The following RP2 variants were observed in gnomAD, a reference collection of about 807,000 sequenced individuals.
RP2 encodes the protein RP2 activator of ARL3 GTPase, also known as protein XRP2.
A neutral mutation model predicts 20.3 loss-of-function variants in RP2; 3 were observed. That is an observed-to-expected ratio of 0.15 (90% CI 0.07 to 0.38). The LOEUF is 0.38. Ranked by LOEUF, RP2 falls within the 10% of genes least tolerant of loss-of-function variation. The probability of loss-of-function intolerance (pLI) is 1.00; values close to 1 mark genes in which losing one functional copy is unlikely to be tolerated. For synonymous variants in RP2, 75 were observed against 94.8 expected (o/e 0.79, Z 1.22); for missense variants, 233 against 268.5 (o/e 0.87, Z 0.92).
In RP2 at chrX:46,879,753, T is replaced by C. The variant is rs781932515; in HGVS notation, c.1037T>C (p.Ile346Thr). ...DVDSFYNFAD[I>T]QMGI Reference sequence around the variant, plus strand: ...GACAGCTTCTACAACTTTGCTGATATACAGATGGGAATATGAAGTGCAATG... The same window carrying C: ...GACAGCTTCTACAACTTTGCTGATACACAGATGGGAATATGAAGTGCAATG... The change falls in exon 5 of 5, where the codon ATA becomes ACA. Residue 346 changes from isoleucine (I) to threonine (T), a missense_variant. Transcript: ENST00000218340. 1.0e-5 allele frequency: 12 copies of C among 1,186,029 alleles called. No homozygotes were observed. In the South Asian group the frequency reaches 2.2e-4, roughly 21 times the overall value.
At chrX:46,852,268 G>GAGGA (rs1336044410) in intron 1 of RP2, among the ~76,000 whole-genome samples, 41 of 110,955 alleles carry the variant, frequency 3.7e-4, no homozygotes, top group South Asian at 1.5e-3. Flanking sequence ...GGGAGGGAGG[G>GAGGA]AGGAAGGAAG....
intron 1 of RP2, among the ~76,000 whole-genome samples, chrX:46,838,947 T>C (rs1465309336): frequency 8.9e-6 from 1 of 111,923 alleles, no homozygotes; most frequent in Non-Finnish European, 1.9e-5. Flanking sequence ...TGTAGAGTTG[T>C]AAGAGATGTT....
At chrX:46,873,890 C>T (rs782181047) in intron 3 of RP2, among the ~76,000 whole-genome samples, 1 of 109,159 alleles carries the variant, frequency 9.2e-6, no homozygotes, top group African/African-American at 3.3e-5. Flanking sequence ...GTGTTTTCCC[C>T]ACCCCCACCT....
At chrX:46,856,684 A>C (rs922119029) in intron 2 of RP2, among the ~76,000 whole-genome samples, 1 of 111,749 alleles carries the variant, frequency 8.9e-6, no homozygotes, top group African/African-American at 3.3e-5. Flanking sequence ...ATGCTCCCTC[A>C]GTGGTAAAGG....
Position 46,853,782 on chromosome X carries a change from A to C in RP2, c.409A>C (p.Ile137Leu). ...VFLCCATQPI[I>L]ESSSNIKFGC... ...TTTGTGTTGTGCCACTCAACCCATC[A>C]TTGAGTCTTCCTCAAATATCAAATT... Residue 137 changes from isoleucine to leucine, a missense_variant, in exon 2 of 5, where the codon ATT (isoleucine) becomes CTT (leucine). Transcript: ENST00000218340. 1.7e-6 allele frequency: 2 copies of C among 1,211,535 alleles called. No homozygotes were observed. Among genetic ancestry groups the C allele is most frequent in the Non-Finnish European group, 2.2e-6 (2 of 895,144 alleles).
At position 46,881,028 on chromosome X, in the gene RP2, A is replaced by C. The variant is rs1030285079; in HGVS notation, c.*1259A>C. ...GGCCTATTTTTAAAAGGAATCTGAA[A>C]TTTAATTCTATTTTGATAAAACTAA... On this transcript the variant is annotated 3_prime_UTR_variant, in exon 5 of 5. Coordinates refer to ENST00000218340, the MANE Select transcript of RP2 (RefSeq NM_006915.3). 2 of 112,033 alleles carry C rather than the reference A, an allele frequency of 1.8e-5. No homozygotes were observed. The highest frequency in any genetic ancestry group is 6.5e-5 in the African/African-American group (2 of 30,866). The allele number at this position is 112,033 out of a possible 1,213,427, so 9.2% of individuals were successfully genotyped here.
At position 46,847,709 on chromosome X, in the gene RP2, T is replaced by TACACACATATATGTGTGTGTGTATATAC. The variant is rs1924744813; in HGVS notation, c.103-5761_103-5734dup. Reference sequence around the variant, plus strand: ...CTATATATATGTGTGTGTGTATATATACACACATATATGTGTGTGTGTATA... The same window carrying TACACACATATATGTGTGTGTGTATATAC: ...CTATATATATGTGTGTGTGTATATATACACACATATATGTGTGTGTGTATATACACACACATATATGTGTGTGTGTATA... On this transcript the variant is annotated intron_variant, in intron 1 of 4. Transcript: ENST00000218340. 1.5e-4 allele frequency among the ~76,000 whole-genome samples: 12 copies of TACACACATATATGTGTGTGTGTATATAC among 77,923 alleles called. 1 individual carries two copies. The highest frequency in any genetic ancestry group is 5.7e-4 in the African/African-American group (11 of 19,331). The allele number at this position is 77,923 out of a possible 115,157, so 67.7% of individuals were successfully genotyped here. A position where few individuals can be genotyped will look rare whatever the true frequency, so the allele number is the denominator to read the frequency against.
Position 46,837,145 on chromosome X carries a change from G to A in RP2, c.45G>A (p.Ser15=). 2 of 1,171,181 alleles carry A rather than the reference G, an allele frequency of 1.7e-6. No individual in the cohort carries two copies. Among genetic ancestry groups the A allele is most frequent in the Non-Finnish European group, 2.3e-6 (2 of 874,856 alleles). ...FSKRRKADKE[S]RPENEEERPK... Reference sequence around the variant, plus strand: ...AGAGACGGAAGGCTGACAAGGAGTCGCGGCCCGAGAACGAGGAGGAGCGGC... The same window carrying A: ...AGAGACGGAAGGCTGACAAGGAGTCACGGCCCGAGAACGAGGAGGAGCGGC... The change falls in exon 1 of 5, where the codon TCG becomes TCA. Residue 15 remains serine (S), a synonymous_variant. Coordinates refer to ENST00000218340, the MANE Select transcript of RP2 (RefSeq NM_006915.3).
intron 3 of RP2, among the ~76,000 whole-genome samples, chrX:46,860,465 C>T (rs1438595353): frequency 6.3e-5 from 7 of 111,727 alleles, no homozygotes; most frequent in African/African-American, 2.3e-4. Context: ...ATTCTTTCTA[C>T]CTTCAGTGTG....
intron 3 of RP2, among the ~76,000 whole-genome samples, chrX:46,862,387 G>A (rs1218087404): frequency 1.9e-5 from 2 of 103,531 alleles, no homozygotes; most frequent in Non-Finnish European, 3.9e-5. Flanking sequence ...ATGGCCGGGT[G>A]TGGTGGCTCA....
intron 2 of RP2, among the ~76,000 whole-genome samples, chrX:46,857,161 A>G (rs1378443756): frequency 9.0e-6 from 1 of 110,617 alleles, no homozygotes; most frequent in Non-Finnish European, 1.9e-5. Context: ...CGCAATAGGA[A>G]GTATACAATT....
chrX:46,846,967 G>A (rs1036641771), intron 1 of RP2, among the ~76,000 whole-genome samples: 1 of 111,751 alleles, frequency 8.9e-6, no homozygotes, highest in Admixed American at 9.6e-5. Context: ...GGCTTCAAGC[G>A]ATCGTCCCAC....
At chrX:46,847,787 C>CGTGTGTGTGTATATACACAAAT (rs1924770032) in intron 1 of RP2, among the ~76,000 whole-genome samples, 1 of 82,654 alleles carries the variant, frequency 1.2e-5, no homozygotes, top group African/African-American at 5.4e-5. Context: ...TACATACACA[C>CGTGTGTGTGTATATACACAAAT]ATGTGTGTGT....
At chrX:46,839,941 A>G (rs1924586204) in intron 1 of RP2, among the ~76,000 whole-genome samples, 1 of 111,811 alleles carries the variant, frequency 8.9e-6, no homozygotes, top group South Asian at 3.7e-4. Flanking sequence ...GGGTGTTTAC[A>G]TTTTTCCTTA....
intron 4 of RP2, among the ~76,000 whole-genome samples, chrX:46,878,363 C>T (rs1260593440): frequency 7.4e-5 from 7 of 94,984 alleles, no homozygotes; most frequent in South Asian, 5.0e-4. Flanking sequence ...GGCGACAGAG[C>T]GAGACTCTGT....
In RP2 at chrX:46,877,565, T is replaced by A. The variant is rs782127539; in HGVS notation, c.944T>A (p.Val315Glu). The change falls in exon 4 of 5, where the codon GTA becomes GAA. Residue 315 changes from valine (V) to glutamate (E), a missense_variant. By Grantham distance (121) the Val-to-Glu change is moderately radical. Transcript: ENST00000218340. ...GCTGTAGAAGTATGTCAACTTATTG[T>A]AAACGAGATATTCAATGGGACCAAG... Reference protein sequence around the residue: ...DGAVEVCQLIVNEIFNGTKMF... With the variant: ...DGAVEVCQLIENEIFNGTKMF... 4.2e-6 allele frequency: 5 copies of A among 1,196,369 alleles called. No individual in the cohort carries two copies. The highest frequency in any genetic ancestry group is 5.7e-6 in the Non-Finnish European group (5 of 881,232).
chrX:46,854,701 T>C (rs1924924824), intron 2 of RP2, among the ~76,000 whole-genome samples: 2 of 111,115 alleles, frequency 1.8e-5, no homozygotes, highest in South Asian at 7.6e-4. Context: ...TAGTAAAGCA[T>C]GACATTTTAT....
In RP2 at chrX:46,853,782, A is replaced by G; in HGVS notation, c.409A>G (p.Ile137Val). 1 of 1,211,535 alleles carries G rather than the reference A, an allele frequency of 8.3e-7. No individual in the cohort carries two copies. The highest frequency in any genetic ancestry group is 1.1e-6 in the Non-Finnish European group (1 of 895,144). ...TTTGTGTTGTGCCACTCAACCCATC[A>G]TTGAGTCTTCCTCAAATATCAAATT... Reference protein sequence around the residue: ...VFLCCATQPIIESSSNIKFGC... With the variant: ...VFLCCATQPIVESSSNIKFGC... The change falls in exon 2 of 5, where the codon ATT (isoleucine) becomes GTT (valine). Residue 137 changes from isoleucine to valine, a missense_variant. Ile to Val is a conservative substitution (Grantham distance 29, BLOSUM62 3). Transcript: ENST00000218340.
chrX:46,877,399 C>T, intron 3 of RP2, 106 bp from the exon 4 acceptor site: 1 of 581,309 alleles, frequency 1.7e-6, no homozygotes, highest in Non-Finnish European at 2.9e-6. Context: ...CCTTCTCTTT[C>T]ACCCTCAAAG....
Sources: gnomAD v4.1 joint callset for allele counts (sites outside exome capture counted in the v4.1 genomes callset) on GRCh38, gnomAD v4.1.1 for gene constraint, MANE v1.5 for transcripts, NCBI Gene and HGNC (gene_info 2026-07-23, HGNC 2026-07-21) for gene names.